Variants in ERICH1 observed in about 807,000 individuals in gnomAD.
ERICH1 encodes glutamate-rich protein 1.
ERICH1 carries 56 observed loss-of-function variants against 39.6 expected under a neutral mutation model. The ratio of observed to expected loss-of-function variants is 1.41; its 90% CI spans 1.14 to 1.77. ERICH1 has a LOEUF of 1.77. ERICH1 is among the 40% of genes most tolerant of loss of function. The probability of loss-of-function intolerance (pLI) is 0.00; values close to 1 mark genes in which losing one functional copy is unlikely to be tolerated. For missense variants in ERICH1, 826 were observed against 575.4 expected (o/e 1.44, Z -4.45); for synonymous variants, 313 against 223.6 (o/e 1.40, Z -3.57).
chr8:704,956 A>G (rs1384049179), intron 2 of ERICH1, among the ~76,000 whole-genome samples: 1 of 152,236 alleles, frequency 6.6e-6, no homozygotes, highest in African/African-American at 2.4e-5. Context: ...ATAACTGACA[A>G]ATTTAAAAAA....
At chr8:627,300 G>A (rs1797646194) in intron 3 of ERICH1, 1 of 434,902 alleles carries the variant, frequency 2.3e-6, no homozygotes, top group Non-Finnish European at 4.8e-6. Flanking sequence ...TAACAGGCCA[G>A]GGGCTGGCAG....
chr8:665,271 G>A (rs28688648), intron 5 of ERICH1, among the ~76,000 whole-genome samples: 2 of 151,874 alleles, frequency 1.3e-5, no homozygotes, highest in Admixed American at 6.6e-5. Flanking sequence ...CCCCGGCTCC[G>A]ACCTCTGAGC....
intron 3 of ERICH1, among the ~76,000 whole-genome samples, chr8:649,941 G>A (rs1251681590): frequency 1.3e-5 from 2 of 152,204 alleles, no homozygotes; most frequent in African/African-American, 2.4e-5. Flanking sequence ...GTGTGCTGGC[G>A]TCAGGGAGAA....
Position 731,098 on chromosome 8 carries a change from G to A in ERICH1, c.22+42C>T, listed in dbSNP as rs145859182. The stretch of plus-strand genomic sequence containing the variant: ...AACACCGCGGTCTGAGCCGAGAGCC[G>A]GGTCTGGGGTCTGGGCAGGCCTCCG... On this transcript the variant is annotated intron_variant, in intron 1 of 5. Coordinates refer to ENST00000262109, the MANE Select transcript of ERICH1 (RefSeq NM_207332.3). 1.3e-3 allele frequency: 1,882 copies of A among 1,429,452 alleles called. 23 individuals are homozygous for A. The African/African-American group carries it at 0.025, about 19-fold the overall frequency. The allele number at this position is 1,429,452 out of a possible 1,614,324, so 88.5% of individuals were successfully genotyped here.
chr8:697,835 G>T (rs1022292801), intron 2 of ERICH1, among the ~76,000 whole-genome samples: 1 of 152,242 alleles, frequency 6.6e-6, no homozygotes, highest in East Asian at 1.9e-4. Context: ...AGCAGAGTGC[G>T]TGATAGGTGT....
At chr8:624,677 A>G (rs1797495779) in intron 3 of ERICH1, among the ~76,000 whole-genome samples, 1 of 151,880 alleles carries the variant, frequency 6.6e-6, no homozygotes, top group African/African-American at 2.4e-5. Context: ...GGAGGAAGAG[A>G]GTAAAGGGGG....
chr8:628,297 G>A (rs1462463945), intron 3 of ERICH1, among the ~76,000 whole-genome samples: 3 of 152,264 alleles, frequency 2.0e-5, no homozygotes, highest in African/African-American at 4.8e-5. Flanking sequence ...CTGGCTGTGG[G>A]TGGACCTGCA....
At chr8:653,299 G>T (rs1253313922) in intron 3 of ERICH1, among the ~76,000 whole-genome samples, 2 of 152,252 alleles carry the variant, frequency 1.3e-5, no homozygotes, top group Non-Finnish European at 2.9e-5. Context: ...TTGAGTCCTT[G>T]TGGACGAACT....
chr8:688,937 G>A (rs573200454), intron 3 of ERICH1, among the ~76,000 whole-genome samples: 2 of 152,268 alleles, frequency 1.3e-5, no homozygotes, highest in South Asian at 4.1e-4. Flanking sequence ...ACTGCACAAT[G>A]AATAAGGAAC....
At chr8:711,517 G>C (rs940716710) in intron 2 of ERICH1, among the ~76,000 whole-genome samples, 1 of 117,886 alleles carries the variant, frequency 8.5e-6, no homozygotes, top group Non-Finnish European at 1.8e-5. Context: ...TTTTTTTTTT[G>C]AGATGGAGTC....
intron 3 of ERICH1, among the ~76,000 whole-genome samples, chr8:632,636 T>C (rs10497): frequency 1.3e-3 from 201 of 152,304 alleles, no homozygotes; most frequent in Non-Finnish European, 1.9e-3. Context: ...GGGCAGACGT[T>C]ATGAACATAA....
At chr8:724,531 C>A (rs1201291733) in intron 1 of ERICH1, among the ~76,000 whole-genome samples, 2 of 151,978 alleles carry the variant, frequency 1.3e-5, no homozygotes, top group African/African-American at 4.8e-5. Context: ...CCGACGGGGG[C>A]GGGACCTCAG....
intron 3 of ERICH1, chr8:616,299 G>A (rs1469279383): frequency 4.5e-5 from 14 of 307,820 alleles, no homozygotes; most frequent in Non-Finnish European, 8.4e-5. Flanking sequence ...TGTGTGGCAG[G>A]ACAAGCATGG....
intron 2 of ERICH1, among the ~76,000 whole-genome samples, chr8:702,881 G>C (rs10093046): frequency 0.21 from 31,231 of 152,216 alleles, 3,804 homozygotes; most frequent in Middle Eastern, 0.36. Context: ...CTCCGTCCTT[G>C]CTGCTGAGGG....
intron 3 of ERICH1, among the ~76,000 whole-genome samples, chr8:678,089 G>A (rs1669732): frequency 0.22 from 33,123 of 151,976 alleles, 3,756 homozygotes; most frequent in Middle Eastern, 0.36. Flanking sequence ...TGTTAAGTTT[G>A]TCATATTTTT....
At position 674,019 on chromosome 8, in the gene ERICH1, TCTC is replaced by T; in HGVS notation, c.330_332del (p.Arg113del). 6.4e-7 allele frequency: 1 copy of T among 1,568,122 alleles called. No individual in the cohort carries two copies. Among genetic ancestry groups the T allele is most frequent in the Non-Finnish European group, 8.5e-7 (1 of 1,169,936 alleles). The stretch of plus-strand genomic sequence containing the variant: ...TTGATTTATGCTTCCTAATTCTTCT[TCTC>T]TTTGGCTGGTCATGAGGATCCTGAT... On this transcript the variant is annotated inframe_deletion, in exon 4 of 6. Transcript: ENST00000262109.
chr8:631,865 G>T (rs79802933), intron 3 of ERICH1, among the ~76,000 whole-genome samples: 32 of 152,142 alleles, frequency 2.1e-4, no homozygotes, highest in African/African-American at 7.5e-4. Context: ...CCCCGCCCCA[G>T]GCCTTTGCTC....
chr8:678,235 T>C (rs1419499280), intron 3 of ERICH1, among the ~76,000 whole-genome samples: 2 of 152,308 alleles, frequency 1.3e-5, no homozygotes, highest in East Asian at 3.9e-4. Flanking sequence ...GGCTGCTTTT[T>C]TCCTCCCAAT....
At chr8:686,349 G>A (rs999847963) in intron 3 of ERICH1, among the ~76,000 whole-genome samples, 1 of 152,128 alleles carries the variant, frequency 6.6e-6, no homozygotes, top group Non-Finnish European at 1.5e-5. Flanking sequence ...TTAGGAATAT[G>A]TGCCAACAAT....
Sources: allele counts gnomAD v4.1 joint callset (sites outside exome capture counted in the v4.1 genomes callset), GRCh38; gene constraint gnomAD v4.1.1; transcripts MANE v1.5; gene names NCBI Gene and HGNC (gene_info 2026-07-23, HGNC 2026-07-21).